Variants in SCN3A observed in about 807,000 individuals in gnomAD.
SCN3A encodes the protein sodium channel protein type 3 subunit alpha.
In SCN3A, 60 loss-of-function variants were observed where a neutral mutation model predicts 187.6. The observed-to-expected ratio is 0.32, with a 90% CI of 0.26 to 0.40. The LOEUF (loss-of-function observed/expected upper bound fraction) is 0.40, where lower values mean the gene tolerates loss of function less well. Ranked by LOEUF, SCN3A falls within the 10% of genes least tolerant of loss-of-function variation. SCN3A has a pLI of 1.00. For missense variants in SCN3A, 1,601 were observed against 2,428.2 expected (o/e 0.66, Z 7.16); for synonymous variants, 788 against 829.2 (o/e 0.95, Z 0.85).
intron 12 of SCN3A, among the ~76,000 whole-genome samples, chr2:165,143,366 C>G (rs774192537): frequency 1.3e-5 from 2 of 152,124 alleles, no homozygotes; most frequent in Non-Finnish European, 2.9e-5. Context: ...GTATGTGGTA[C>G]GTGTGTACAT....
At chr2:165,121,688 A>G (rs1686687417) in intron 18 of SCN3A, among the ~76,000 whole-genome samples, 1 of 152,214 alleles carries the variant, frequency 6.6e-6, no homozygotes, top group Admixed American at 6.5e-5. Flanking sequence ...CCTTGTCACC[A>G]GAAGCCTTGA....
intron 18 of SCN3A, among the ~76,000 whole-genome samples, chr2:165,118,950 G>A (rs959806424): frequency 3.9e-5 from 6 of 152,010 alleles, no homozygotes; most frequent in Admixed American, 6.6e-5. Flanking sequence ...TTTTAGTAGA[G>A]ACGGGGTTTC....
chr2:165,137,103 G>T (rs1235534260), intron 15 of SCN3A, among the ~76,000 whole-genome samples: 1 of 152,082 alleles, frequency 6.6e-6, no homozygotes, highest in Non-Finnish European at 1.5e-5. Flanking sequence ...AACATTTGCT[G>T]ACCTAAAGAC....
intron 11 of SCN3A, among the ~76,000 whole-genome samples, chr2:165,152,585 T>G (rs1688750144): frequency 6.6e-6 from 1 of 152,174 alleles, no homozygotes; most frequent in African/African-American, 2.4e-5. Flanking sequence ...TGAGTATATA[T>G]CCAGTAATGG....
chr2:165,193,004 C>A (rs1203915197), intron 1 of SCN3A, among the ~76,000 whole-genome samples: 1 of 152,102 alleles, frequency 6.6e-6, no homozygotes, highest in African/African-American at 2.4e-5. Flanking sequence ...TAGGACATAT[C>A]ATCTTAAACA....
chr2:165,133,632 A>G (rs11885623), intron 15 of SCN3A, among the ~76,000 whole-genome samples: 97 of 149,490 alleles, frequency 6.5e-4, no homozygotes, highest in African/African-American at 2.2e-3. Context: ...GCATGAGCCA[A>G]CACACCCAGC....
chr2:165,149,510 C>T lies in SCN3A; in HGVS notation c.1381-2481G>A, dbSNP rs10194418. ...TTTTGCATAAGACATTATTTCCAAA[C>T]CTATTCTGGGTAACAGTTCAAATAA... On this transcript the variant is annotated intron_variant, in intron 11 of 27. Transcript: ENST00000283254. Among the ~76,000 whole-genome samples the T allele has an allele frequency of 3.4e-3, 524 of 152,264 alleles. 4 individuals are homozygous for T. The highest frequency in any genetic ancestry group is 0.012 in the African/African-American group (496 of 41,568).
At position 165,090,478 on chromosome 2, in the gene SCN3A, G is replaced by T. The variant is rs1685035408; in HGVS notation, c.5675C>A (p.Thr1892Lys). The part of the protein sequence containing the change: ...NPSKVSYEPI[T>K]TTLKRKQEEV... ...CTCTTGTTTACGTTTCAAAGTGGTTGTAATAGGCTCATAAGAGACTTTGGA... is the reference window on the plus strand; with the variant it reads ...CTCTTGTTTACGTTTCAAAGTGGTTTTAATAGGCTCATAAGAGACTTTGGA... The change falls in exon 28 of 28, where the codon ACA becomes AAA. Residue 1892 changes from threonine to lysine, a missense_variant. Physicochemically the swap from Thr to Lys is moderately conservative, Grantham distance 78. Coordinates refer to ENST00000283254, the MANE Select transcript of SCN3A (RefSeq NM_006922.4). This position sits in a 1 kb window ranked among gnomAD's most constrained non-coding sequence, Gnocchi z 4.0. The T allele has an allele frequency of 1.2e-6, 2 of 1,614,032 alleles. No homozygotes were observed. Among genetic ancestry groups the T allele is most frequent in the East Asian group, 2.2e-5 (1 of 44,876 alleles).
At chr2:165,117,679 A>G (rs78636943) in intron 18 of SCN3A, among the ~76,000 whole-genome samples, 183 of 152,272 alleles carry the variant, frequency 1.2e-3, no homozygotes, top group Admixed American at 2.2e-3. Flanking sequence ...AGATAATTCT[A>G]TCTCTCCATT....
chr2:165,135,802 C>T (rs1023109017), intron 15 of SCN3A, among the ~76,000 whole-genome samples: 10 of 152,192 alleles, frequency 6.6e-5, no homozygotes, highest in African/African-American at 2.4e-4. Flanking sequence ...AGTCAGTTTA[C>T]ATATTCTCCT....
At chr2:165,124,726 G>A (rs1028034858) in intron 18 of SCN3A, among the ~76,000 whole-genome samples, 1 of 152,104 alleles carries the variant, frequency 6.6e-6, no homozygotes, top group African/African-American at 2.4e-5. Context: ...AAGTGGCATT[G>A]CTGTTTTTCC....
chr2:165,103,580 G>T (rs927198980), intron 21 of SCN3A, among the ~76,000 whole-genome samples: 1 of 152,152 alleles, frequency 6.6e-6, no homozygotes, highest in African/African-American at 2.4e-5. Flanking sequence ...GGAAATGTCT[G>T]TGATAGAGGT....
At chr2:165,177,988 T>C (rs1278466111) in intron 2 of SCN3A, among the ~76,000 whole-genome samples, 2 of 152,018 alleles carry the variant, frequency 1.3e-5, no homozygotes, top group East Asian at 1.9e-4. Flanking sequence ...CCATTCCCCT[T>C]TGCCCCCACA....
Position 165,174,283 on chromosome 2 carries a change from G to T in SCN3A, c.264+1848C>A, listed in dbSNP as rs563892770. The stretch of plus-strand genomic sequence containing the variant: ...ATAATTGTAGTGATGTAATGAGCAC[G>T]TTCTTTTCTTCAAGCAGGTTTAGGG... On this transcript the variant is annotated intron_variant, in intron 3 of 27. Transcript: ENST00000283254. Among the ~76,000 whole-genome samples, 855 of 152,258 alleles carry T rather than the reference G, an allele frequency of 5.6e-3. 5 individuals are homozygous for T. Among genetic ancestry groups the T allele is most frequent in the Middle Eastern group, 0.014 (4 of 294 alleles).
intron 11 of SCN3A, among the ~76,000 whole-genome samples, chr2:165,150,069 A>G (rs1479005397): frequency 6.6e-6 from 1 of 152,176 alleles, no homozygotes; most frequent in Non-Finnish European, 1.5e-5. Flanking sequence ...TTCCTATCAG[A>G]GCAATATAGA....
At chr2:165,141,688 G>C (rs998999048) in intron 12 of SCN3A, among the ~76,000 whole-genome samples, 1 of 152,118 alleles carries the variant, frequency 6.6e-6, no homozygotes, top group African/African-American at 2.4e-5. Context: ...CACCTTATTT[G>C]AGAGACTATA....
At chr2:165,123,829 G>A (rs1038335599) in intron 18 of SCN3A, among the ~76,000 whole-genome samples, 4 of 152,104 alleles carry the variant, frequency 2.6e-5, no homozygotes, top group African/African-American at 9.7e-5. Flanking sequence ...TATGATATTA[G>A]AACATGCTGG....
intron 18 of SCN3A, among the ~76,000 whole-genome samples, chr2:165,125,944 T>C (rs1286172706): frequency 6.6e-6 from 1 of 152,216 alleles, no homozygotes; most frequent in African/African-American, 2.4e-5. Flanking sequence ...CTTAATTTTG[T>C]ATGTATTTTA....
rs201183625 is a variant in SCN3A at position 165,090,525 on chromosome 2, G to A, written c.5628C>T (p.Asp1876=). Residue 1876 remains aspartate (D), a synonymous_variant, in exon 28 of 28, where the codon GAC becomes GAT. Transcript: ENST00000283254. The surrounding 1 kb of genome is among the most constrained non-coding windows in gnomAD (Gnocchi z 4.0). ...TGGAGGGGTTTGATGCCATAAACCTGTCTTCCATCTGTATTCGAAGGGCAT... is the reference window on the plus strand; with the variant it reads ...TGGAGGGGTTTGATGCCATAAACCTATCTTCCATCTGTATTCGAAGGGCAT... ...EMDALRIQME[D]RFMASNPSKV... The A allele has an allele frequency of 1.2e-6, 2 of 1,613,998 alleles. No homozygotes were observed. The highest frequency in any genetic ancestry group is 2.7e-5 in the African/African-American group (2 of 75,014).
Sources: gnomAD v4.1 joint callset for allele counts (sites outside exome capture counted in the v4.1 genomes callset) on GRCh38, gnomAD v4.1.1 for gene constraint, Gnocchi (gnomAD v3.1) non-coding constraint, MANE v1.5 for transcripts, NCBI Gene and HGNC (gene_info 2026-07-23, HGNC 2026-07-21) for gene names.